Variants in EML6 observed in about 807,000 individuals in gnomAD.
The protein encoded by EML6 is EMAP like 6.
EML6 carries 154 observed loss-of-function variants against 240.1 expected under a neutral mutation model. The ratio of observed to expected loss-of-function variants is 0.64; its 90% CI spans 0.56 to 0.73. The LOEUF is 0.73. EML6 is among the 30% of genes least tolerant of loss of function. The probability of loss-of-function intolerance (pLI) is 0.00; values close to 1 mark genes in which losing one functional copy is unlikely to be tolerated. For missense variants in EML6, 2,964 were observed against 2,474.6 expected, an observed-to-expected ratio of 1.20 and a Z score of -4.20; for synonymous variants, 1,148 against 899.0, an observed-to-expected ratio of 1.28 and a Z score of -4.95.
At position 54,966,748 on chromosome 2, in the gene EML6, A is replaced by T. The variant is rs184525677; in HGVS notation, c.5494-252A>T. On this transcript the variant is annotated intron_variant, in intron 38 of 41. Coordinates refer to ENST00000356458, the MANE Select transcript of EML6 (RefSeq NM_001039753.4). ...ATGCAGCTGACGTTGCTGGTCGGGA[A>T]CCACACTCAGAGAACCGCTATCTTA... 67 of 257,486 alleles carry T rather than the reference A, an allele frequency of 2.6e-4. No individual in the cohort carries two copies. The East Asian group carries it at 4.7e-3, about 18-fold the overall frequency. 16.0% of individuals were successfully genotyped at this position (257,486 alleles called of 1,614,324 possible). A position where few individuals can be genotyped will look rare whatever the true frequency, so the allele number is the denominator to read the frequency against.
chr2:54,806,020 A>G (rs1670454580), intron 2 of EML6, among the ~76,000 whole-genome samples: 1 of 152,166 alleles, frequency 6.6e-6, no homozygotes, highest in Admixed American at 6.5e-5. Flanking sequence ...CTATCCTTAT[A>G]GCAATATTCT....
At position 54,903,157 on chromosome 2, in the gene EML6, C is replaced by G; in HGVS notation, c.3238C>G (p.His1080Asp). The G allele has an allele frequency of 6.4e-7, 1 of 1,551,868 alleles. No homozygotes were observed. The highest frequency in any genetic ancestry group is 8.7e-7 in the Non-Finnish European group (1 of 1,146,938). ...DTVEDMVSFHHRKEMISDIKF... is the reference protein window; with the variant it reads ...DTVEDMVSFHDRKEMISDIKF... Reference sequence around the variant, plus strand: ...TGTTGAAGACATGGTCTCTTTCCATCACAGAAAAGAAATGATCTCTGATAT... The same window carrying G: ...TGTTGAAGACATGGTCTCTTTCCATGACAGAAAAGAAATGATCTCTGATAT... Residue 1080 changes from histidine to aspartate, a missense_variant, in exon 23 of 42, where the codon CAC (histidine) becomes GAC (aspartate). Coordinates refer to ENST00000356458, the MANE Select transcript of EML6 (RefSeq NM_001039753.4).
In EML6 at chr2:54,928,752, G is replaced by T. The variant is rs1674698188; in HGVS notation, c.4004+1G>T. On this transcript the variant is annotated splice_donor_variant, in intron 28 of 41. Coordinates refer to ENST00000356458, the MANE Select transcript of EML6 (RefSeq NM_001039753.4). LOFTEE classifies it high-confidence loss of function. Reference sequence around the variant, plus strand: ...TGAAGGAAGTTTCCGTGGAAGAAAGGTATGGTGTTGCCAGGTTTGCTTGCT... The same window carrying T: ...TGAAGGAAGTTTCCGTGGAAGAAAGTTATGGTGTTGCCAGGTTTGCTTGCT... 7 of 1,551,810 alleles carry T rather than the reference G, an allele frequency of 4.5e-6. No homozygotes were observed. Among genetic ancestry groups the T allele is most frequent in the African/African-American group, 1.4e-5 (1 of 73,172 alleles).
At chr2:54,960,177 A>G in intron 34 of EML6, 43 bp from the exon 35 acceptor site, 1 of 1,405,790 alleles carries the variant, frequency 7.1e-7, no homozygotes, top group Non-Finnish European at 9.8e-7. Context: ...AGTGGGTCTT[A>G]GGATGAGGGT....
intron 12 of EML6, among the ~76,000 whole-genome samples, chr2:54,863,447 G>T (rs61190668): frequency 1.3e-5 from 2 of 152,082 alleles, no homozygotes; most frequent in African/African-American, 2.4e-5. Flanking sequence ...CTTGAGCCCC[G>T]GAGGAGGAGG....
chr2:54,752,354 A>G (rs1317445315), intron 2 of EML6, among the ~76,000 whole-genome samples: 2 of 152,334 alleles, frequency 1.3e-5, no homozygotes, highest in African/African-American at 4.8e-5. Context: ...TTATGTGTTT[A>G]TGATGAAATT....
In EML6 at chr2:54,900,628, G is replaced by A. The variant is rs143368665; in HGVS notation, c.3124+846G>A. Among the ~76,000 whole-genome samples the A allele has an allele frequency of 7.2e-5, 11 of 152,250 alleles. No individual in the cohort carries two copies. In the East Asian group the frequency reaches 1.2e-3, roughly 16 times the overall value. ...CTCTGCCAGCATGCAGTGACCCTGCGGGAGGCAGCCAGGGAAATAAATGGC... is the reference window on the plus strand; with the variant it reads ...CTCTGCCAGCATGCAGTGACCCTGCAGGAGGCAGCCAGGGAAATAAATGGC... On this transcript the variant is annotated intron_variant, in intron 22 of 41. Coordinates refer to ENST00000356458, the MANE Select transcript of EML6 (RefSeq NM_001039753.4).
At chr2:54,969,790 G>C (rs1219022000) in intron 41 of EML6, among the ~76,000 whole-genome samples, 1 of 152,212 alleles carries the variant, frequency 6.6e-6, no homozygotes, top group Non-Finnish European at 1.5e-5. Flanking sequence ...ACAGGAGAGA[G>C]TGTGATATCA....
chr2:54,895,173 G>A (rs1467273451), intron 20 of EML6, 100 bp from the exon 21 acceptor site: 4 of 1,377,864 alleles, frequency 2.9e-6, no homozygotes, highest in Middle Eastern at 1.8e-4. Context: ...TGTCAAGGCT[G>A]ACTGCCTAGT....
In EML6 at chr2:54,889,644, C is replaced by T. The variant is rs114840403; in HGVS notation, c.2439-1410C>T. Among the ~76,000 whole-genome samples the T allele has an allele frequency of 9.8e-3, 1,489 of 151,862 alleles. 15 individuals carry two copies. Among genetic ancestry groups the T allele is most frequent in the Non-Finnish European group, 0.017 (1,162 of 67,914 alleles). ...TGGTATTCAATTTTATATACTGTAC[C>T]TTTACTAAAATGTCTTATTTGTAGT... On this transcript the variant is annotated intron_variant, in intron 17 of 41. Transcript: ENST00000356458.
intron 2 of EML6, among the ~76,000 whole-genome samples, chr2:54,744,904 GTACACACACACACACA>G (rs1683834593): frequency 1.7e-5 from 1 of 58,938 alleles, no homozygotes; most frequent in African/African-American, 6.1e-5. Flanking sequence ...ACACACACAC[GTACACACACACACACA>G]CACACACACA....
intron 2 of EML6, among the ~76,000 whole-genome samples, chr2:54,739,126 T>G (rs1272275398): frequency 1.3e-5 from 2 of 152,224 alleles, no homozygotes; most frequent in Non-Finnish European, 2.9e-5. Flanking sequence ...ATACATATAT[T>G]CTATAGGAAA....
At chr2:54,797,260 A>T (rs143043850) in intron 2 of EML6, among the ~76,000 whole-genome samples, 1 of 150,226 alleles carries the variant, frequency 6.7e-6, no homozygotes, top group Non-Finnish European at 1.5e-5. Context: ...CCTGTTGAGG[A>T]TGGATGCTGC....
At chr2:54,736,220 C>G (rs927848477) in intron 2 of EML6, among the ~76,000 whole-genome samples, 1 of 152,216 alleles carries the variant, frequency 6.6e-6, no homozygotes, top group South Asian at 2.1e-4. Flanking sequence ...TTAAACAAGG[C>G]AAGAGAAGGC....
chr2:54,919,019 G>A (rs1051682907), intron 26 of EML6, among the ~76,000 whole-genome samples: 8 of 152,138 alleles, frequency 5.3e-5, no homozygotes, highest in African/African-American at 1.7e-4. Context: ...TACAAGAACC[G>A]CTTTGTGTTT....
intron 36 of EML6, 67 bp downstream of exon 36, chr2:54,962,778 G>GGA: frequency 7.6e-7 from 1 of 1,320,158 alleles, no homozygotes; most frequent in South Asian, 1.9e-5. Context: ...AGCTGAGCGA[G>GGA]GAGAGGCCCA....
intron 26 of EML6, among the ~76,000 whole-genome samples, chr2:54,920,270 C>A (rs949368057): frequency 5.9e-5 from 9 of 151,978 alleles, no homozygotes; most frequent in African/African-American, 2.2e-4. Flanking sequence ...AATTGACCAA[C>A]CTTTAGCTAG....
chr2:54,964,999 C>G (rs1483031337), intron 38 of EML6, among the ~76,000 whole-genome samples: 1 of 152,208 alleles, frequency 6.6e-6, no homozygotes, highest in East Asian at 1.9e-4. Flanking sequence ...TAATCTGCCC[C>G]TCACCACCTC....
intron 21 of EML6, among the ~76,000 whole-genome samples, chr2:54,898,834 A>G (rs1672906147): frequency 6.6e-6 from 1 of 152,230 alleles, no homozygotes; most frequent in Non-Finnish European, 1.5e-5. Context: ...ACTAATCTTT[A>G]CACACTGCAT....
Sources: allele counts gnomAD v4.1 joint callset (sites outside exome capture counted in the v4.1 genomes callset), GRCh38; gene constraint gnomAD v4.1.1; transcripts MANE v1.5; gene names NCBI Gene and HGNC (gene_info 2026-07-23, HGNC 2026-07-21).